Variants in TACC2 observed in about 807,000 individuals in gnomAD.
TACC2 encodes transforming acidic coiled-coil-containing protein 2.
A neutral mutation model predicts 227.3 loss-of-function variants in TACC2; 137 were observed. The observed-to-expected ratio is 0.60, with a 90% CI of 0.52 to 0.69. The LOEUF is 0.69. TACC2 is among the 30% of genes least tolerant of loss of function. The probability of loss-of-function intolerance (pLI) is 0.00; values close to 1 mark genes in which losing one functional copy is unlikely to be tolerated. For missense variants in TACC2, 3,470 were observed against 3,694.4 expected, an observed-to-expected ratio of 0.94 and a Z score of 1.57; for synonymous variants, 1,523 against 1,487.5, an observed-to-expected ratio of 1.02 and a Z score of -0.55.
intron 3 of TACC2, among the ~76,000 whole-genome samples, chr10:122,067,599 C>G (rs1243064815): frequency 2.6e-5 from 4 of 151,744 alleles, no homozygotes; most frequent in Non-Finnish European, 5.9e-5. Context: ...CTCCGCCTCC[C>G]AGGTTCAAGC....
At chr10:122,059,479 C>A (rs563853503) in intron 3 of TACC2, among the ~76,000 whole-genome samples, 1 of 152,280 alleles carries the variant, frequency 6.6e-6, no homozygotes, top group East Asian at 1.9e-4. Context: ...GGTTTACCCC[C>A]AGGCCAATAA....
chr10:122,139,165 TG>T (rs1468681373), intron 6 of TACC2, among the ~76,000 whole-genome samples: 1 of 152,230 alleles, frequency 6.6e-6, no homozygotes, highest in Non-Finnish European at 1.5e-5. Context: ...GTTTTGCTTG[TG>T]CCAAATTTGA....
In TACC2 at chr10:122,029,611, C is replaced by T. The variant is rs546364204; in HGVS notation, c.33+7597C>T. 6.6e-5 allele frequency among the ~76,000 whole-genome samples: 10 copies of T among 152,216 alleles called. 1 individual carries two copies. In the South Asian group the frequency reaches 1.9e-3, roughly 28 times the overall value. Reference sequence around the variant, plus strand: ...GCAACTAATTTCAATTATTTTTAAGCACTCTATGGGCCAAACGAATGTGCC... The same window carrying T: ...GCAACTAATTTCAATTATTTTTAAGTACTCTATGGGCCAAACGAATGTGCC... On this transcript the variant is annotated intron_variant, in intron 2 of 22. Coordinates refer to ENST00000369005, the MANE Select transcript of TACC2 (RefSeq NM_206862.4).
chr10:122,007,034 G>A (rs1311048416), intron 1 of TACC2, among the ~76,000 whole-genome samples: 4 of 151,830 alleles, frequency 2.6e-5, no homozygotes, highest in Non-Finnish European at 5.9e-5. Flanking sequence ...GCTAATTTTT[G>A]TATTTTTAGT....
intron 7 of TACC2, among the ~76,000 whole-genome samples, chr10:122,190,173 T>A (rs1382475311): frequency 6.6e-6 from 1 of 152,256 alleles, no homozygotes; most frequent in African/African-American, 2.4e-5. Flanking sequence ...TGTGTGTGGA[T>A]GCTGATCTTA....
chr10:122,222,804 C>T (rs10788259), intron 11 of TACC2, among the ~76,000 whole-genome samples: 51,510 of 152,094 alleles, frequency 0.34, 9,219 homozygotes, highest in Middle Eastern at 0.5. Flanking sequence ...GTGCCCTGTG[C>T]TGTACTGGAG....
At chr10:122,006,025 C>A (rs1426210505) in intron 1 of TACC2, among the ~76,000 whole-genome samples, 4 of 152,102 alleles carry the variant, frequency 2.6e-5, no homozygotes, top group Non-Finnish European at 5.9e-5. Flanking sequence ...TTTTCTCTAG[C>A]CTTGATACAT....
rs2095688386 is a variant in TACC2 at position 122,229,288 on chromosome 10, T to C, written c.7897-58T>C. The stretch of plus-strand genomic sequence containing the variant: ...CTGCATGGCCCTTGCTTGGAATCAA[T>C]ATCACTCTCTGTTCTCCTCTATTTT... On this transcript the variant is annotated intron_variant, in intron 14 of 22. Coordinates refer to ENST00000369005, the MANE Select transcript of TACC2 (RefSeq NM_206862.4). The C allele has an allele frequency of 5.0e-6, 8 of 1,602,808 alleles. No individual in the cohort carries two copies. In the Middle Eastern group the frequency reaches 1.0e-3, roughly 203 times the overall value.
intron 18 of TACC2, among the ~76,000 whole-genome samples, chr10:122,239,012 T>C (rs1220267963): frequency 2.0e-5 from 3 of 152,040 alleles, no homozygotes; most frequent in Non-Finnish European, 2.9e-5. Flanking sequence ...TTTTTGTGTG[T>C]GTGTTTTTGA....
intron 2 of TACC2, among the ~76,000 whole-genome samples, chr10:122,035,866 G>A (rs1960141801): frequency 6.6e-6 from 1 of 151,950 alleles, no homozygotes; most frequent in African/African-American, 2.4e-5. Context: ...AGGATGGAGT[G>A]CAGTAGTGCA....
Position 122,212,172 on chromosome 10 carries a change from A to G in TACC2, c.7283+464A>G, listed in dbSNP as rs118051689. On this transcript the variant is annotated intron_variant, in intron 9 of 22. Transcript: ENST00000369005. The stretch of plus-strand genomic sequence containing the variant: ...AATGAGACATTAGCCCAACCTACAA[A>G]CATAGTAGATTCCAGGAGGCTCAGG... Among the ~76,000 whole-genome samples, 1,274 of 152,364 alleles carry G rather than the reference A, an allele frequency of 8.4e-3. 10 individuals are homozygous for G. Among genetic ancestry groups the G allele is most frequent in the Non-Finnish European group, 0.013 (912 of 68,040 alleles).
chr10:122,240,271 A>C (rs183078875), intron 18 of TACC2, among the ~76,000 whole-genome samples: 1 of 152,224 alleles, frequency 6.6e-6, no homozygotes, highest in Non-Finnish European at 1.5e-5. Flanking sequence ...TCAAAGATCT[A>C]TCACAGCTTG....
intron 5 of TACC2, among the ~76,000 whole-genome samples, chr10:122,098,112 G>A (rs2081680694): frequency 6.6e-6 from 1 of 152,166 alleles, no homozygotes; most frequent in Admixed American, 6.5e-5. Context: ...CCAGGGCCCA[G>A]CACACACGTG....
intron 1 of TACC2, among the ~76,000 whole-genome samples, chr10:122,005,325 C>A (rs1954935614): frequency 6.6e-6 from 1 of 151,066 alleles, no homozygotes; most frequent in South Asian, 2.1e-4. Context: ...CTCAGGTGAT[C>A]CACCCACCTC....
intron 3 of TACC2, among the ~76,000 whole-genome samples, chr10:122,072,195 T>A (rs542254249): frequency 2.7e-3 from 414 of 152,152 alleles, no homozygotes; most frequent in Non-Finnish European, 4.9e-3. Context: ...GACCTTGTGA[T>A]CCGCTTGCCT....
At chr10:122,222,320 T>G (rs2095537909) in intron 11 of TACC2, among the ~76,000 whole-genome samples, 1 of 152,208 alleles carries the variant, frequency 6.6e-6, no homozygotes, top group Admixed American at 6.5e-5. Flanking sequence ...CAGGAGGAAG[T>G]ATTTATTTTT....
At chr10:122,126,495 T>C (rs552164799) in intron 5 of TACC2, among the ~76,000 whole-genome samples, 1 of 152,262 alleles carries the variant, frequency 6.6e-6, no homozygotes, top group South Asian at 2.1e-4. Flanking sequence ...AGTTCTGGAT[T>C]TGTCTGATTC....
intron 7 of TACC2, among the ~76,000 whole-genome samples, chr10:122,177,346 G>A (rs2093766252): frequency 6.6e-6 from 1 of 152,182 alleles, no homozygotes; most frequent in South Asian, 2.1e-4. Flanking sequence ...AACTGCATTT[G>A]GAAGATGCAG....
chr10:122,085,006 CA>C lies in TACC2; in HGVS notation c.2508del (p.Gln836HisfsTer92). 1 of 1,614,196 alleles carries C rather than the reference CA, an allele frequency of 6.2e-7. No homozygotes were observed. Among genetic ancestry groups the C allele is most frequent in the South Asian group, 1.1e-5 (1 of 91,078 alleles). On this transcript the variant is annotated frameshift_variant, in exon 4 of 23. Transcript: ENST00000369005. LOFTEE classifies it high-confidence loss of function. ...SEKHLQPSQA[Q>X]PETSIFDVLK... ...GAAGCATCTCCAGCCATCCCAGGCACAACCAGAGACATCCATCTTTGACGTG... is the reference window on the plus strand; with the variant it reads ...GAAGCATCTCCAGCCATCCCAGGCACACCAGAGACATCCATCTTTGACGTG...
Sources: allele counts gnomAD v4.1 joint callset (sites outside exome capture counted in the v4.1 genomes callset), GRCh38; gene constraint gnomAD v4.1.1; transcripts MANE v1.5; gene names NCBI Gene and HGNC (gene_info 2026-07-23, HGNC 2026-07-21).